Variants in LGSN observed in about 807,000 individuals in gnomAD.
The protein encoded by LGSN is lengsin.
LGSN carries 21 observed loss-of-function variants against 19.5 expected under a neutral mutation model. The observed-to-expected ratio is 1.07, with a 90% CI of 0.76 to 1.55. LGSN has a LOEUF of 1.55. Among genes scored for constraint, LGSN ranks in the 40% most tolerant of loss-of-function variants. LGSN has a pLI of 0.00. For synonymous variants in LGSN, 257 were observed against 215.6 expected, an observed-to-expected ratio of 1.19 and a Z score of -1.68; for missense variants, 673 against 608.5, an observed-to-expected ratio of 1.11 and a Z score of -1.12.
the LGSN span, among the ~76,000 whole-genome samples, chr6:63,489,143 G>A: frequency 6.6e-6 from 1 of 152,176 alleles, no homozygotes; most frequent in African/African-American, 2.4e-5. Flanking sequence ...CATTTTAGAT[G>A]TGGGAAATGG....
chr6:63,487,500 T>C, the LGSN span, among the ~76,000 whole-genome samples: 1 of 152,238 alleles, frequency 6.6e-6, no homozygotes, highest in Non-Finnish European at 1.5e-5. Context: ...CTTTCAACAC[T>C]ACTCTTTAAT....
At chr6:63,476,118 T>G in the LGSN span, among the ~76,000 whole-genome samples, 1 of 152,178 alleles carries the variant, frequency 6.6e-6, no homozygotes, top group Non-Finnish European at 1.5e-5. Flanking sequence ...TACTGATAGA[T>G]GTAATGAAGC....
the LGSN span, among the ~76,000 whole-genome samples, chr6:63,368,166 G>GT: frequency 1.2e-4 from 19 of 152,162 alleles, no homozygotes; most frequent in African/African-American, 4.6e-4. Flanking sequence ...ACTTTTCGTT[G>GT]TTTTTTCCTG....
At chr6:63,490,408 C>G in the LGSN span, among the ~76,000 whole-genome samples, 1 of 151,898 alleles carries the variant, frequency 6.6e-6, no homozygotes, top group Non-Finnish European at 1.5e-5. Flanking sequence ...ACCAATCAAG[C>G]AAAAAACACA....
At chr6:63,424,772 CA>C in the LGSN span, among the ~76,000 whole-genome samples, 1 of 151,998 alleles carries the variant, frequency 6.6e-6, no homozygotes, top group Non-Finnish European at 1.5e-5. Context: ...ATTAGTCAGG[CA>C]TGGTGCTGCG....
chr6:63,549,060 T>G, the LGSN span: 2 of 720,214 alleles, frequency 2.8e-6, no homozygotes, highest in Non-Finnish European at 2.5e-6. Context: ...CTGAGCTTTC[T>G]TATTCTCTAG....
Position 63,280,277 on chromosome 6 carries a change from G to C in LGSN, c.1274C>G (p.Ala425Gly). ...GCTATGAAGTCCATCTAAGCCGGCAGCAACAGTTGCAGCCAGCACCAAGTA... is the reference window on the plus strand; with the variant it reads ...GCTATGAAGTCCATCTAAGCCGGCACCAACAGTTGCAGCCAGCACCAAGTA... ...NPYLVLAATV[A>G]AGLDGLHSSN... The change falls in exon 4 of 4, where the codon GCT (alanine) becomes GGT (glycine). Residue 425 changes from alanine to glycine, a missense_variant. Transcript: ENST00000370657. 1 of 1,614,238 alleles carries C rather than the reference G, an allele frequency of 6.2e-7. No individual in the cohort carries two copies. The highest frequency in any genetic ancestry group is 8.5e-7 in the Non-Finnish European group (1 of 1,180,046).
At chr6:63,310,157 C>A (rs1768565700) in intron 1 of LGSN, among the ~76,000 whole-genome samples, 1 of 152,186 alleles carries the variant, frequency 6.6e-6, no homozygotes, top group African/African-American at 2.4e-5. Flanking sequence ...TTCCTAGGCT[C>A]CTGTTGATTA....
the LGSN span, among the ~76,000 whole-genome samples, chr6:63,502,276 G>C: frequency 6.6e-6 from 1 of 152,160 alleles, no homozygotes; most frequent in Non-Finnish European, 1.5e-5. Context: ...TGTCTCTTCT[G>C]AGAAAAAGCA....
the LGSN span, among the ~76,000 whole-genome samples, chr6:63,468,675 G>A: frequency 4.6e-5 from 7 of 152,050 alleles, no homozygotes; most frequent in East Asian, 9.6e-4. Flanking sequence ...TGATCTGCCC[G>A]CCTCAGCCTC....
the LGSN span, among the ~76,000 whole-genome samples, chr6:63,509,747 A>C: frequency 6.6e-6 from 1 of 152,240 alleles, no homozygotes; most frequent in African/African-American, 2.4e-5. Flanking sequence ...GGGAAATCAT[A>C]AGAGATTGTC....
chr6:63,500,145 A>G, the LGSN span, among the ~76,000 whole-genome samples: 6 of 152,118 alleles, frequency 3.9e-5, no homozygotes, highest in Admixed American at 2.0e-4. Context: ...TGTCTGCCCA[A>G]ATTTTTCTCA....
chr6:63,456,583 A>G, the LGSN span, among the ~76,000 whole-genome samples: 2 of 151,752 alleles, frequency 1.3e-5, no homozygotes, highest in Middle Eastern at 6.8e-3. Flanking sequence ...ATGTCACAGA[A>G]GAGAGTAAAC....
chr6:63,554,947 C>G, the LGSN span, among the ~76,000 whole-genome samples: 1 of 152,136 alleles, frequency 6.6e-6, no homozygotes, highest in Non-Finnish European at 1.5e-5. Context: ...TACAAAGAGA[C>G]AATTGTGTTT....
rs1562010744 is a variant in LGSN, at chr6:63,295,035, C to G, written c.41G>C (p.Arg14Thr). The change falls in exon 2 of 4, where the codon AGA becomes ACA. Residue 14 changes from arginine to threonine, a missense_variant. By Grantham distance (71) the Arg-to-Thr change is moderately conservative. Coordinates refer to ENST00000370657, the MANE Select transcript of LGSN (RefSeq NM_016571.3). ...GGCTTCAGTCTCATTGCCTTCATCTCTTGTTGAGTCCTGTTGATAATTAAT... is the reference window on the plus strand; with the variant it reads ...GGCTTCAGTCTCATTGCCTTCATCTGTTGTTGAGTCCTGTTGATAATTAAT... ...EEDLLQEDST[R>T]DEGNETEANS... 3 of 1,613,230 alleles carry G rather than the reference C, an allele frequency of 1.9e-6. No individual in the cohort carries two copies. The highest frequency in any genetic ancestry group is 1.3e-5 in the African/African-American group (1 of 74,894).
At chr6:63,434,385 A>C in the LGSN span, among the ~76,000 whole-genome samples, 2 of 149,728 alleles carry the variant, frequency 1.3e-5, no homozygotes, top group Non-Finnish European at 3.0e-5. Flanking sequence ...GGTTGCAGTG[A>C]GCCGAGATCG....
chr6:63,494,939 T>G, the LGSN span, among the ~76,000 whole-genome samples: 1 of 152,236 alleles, frequency 6.6e-6, no homozygotes, highest in Non-Finnish European at 1.5e-5. Flanking sequence ...TCAGTGTTAA[T>G]TCCTATATTT....
chr6:63,491,917 T>C, the LGSN span, among the ~76,000 whole-genome samples: 1 of 151,988 alleles, frequency 6.6e-6, no homozygotes, highest in Non-Finnish European at 1.5e-5. Flanking sequence ...TAATCCCATC[T>C]ACTCGGGAGG....
At chr6:63,375,091 G>A in the LGSN span, among the ~76,000 whole-genome samples, 3 of 152,186 alleles carry the variant, frequency 2.0e-5, no homozygotes, top group Admixed American at 6.5e-5. Context: ...TTGATTTTCC[G>A]GGGCAATAAG....
Sources: gnomAD v4.1 joint callset for allele counts (sites outside exome capture counted in the v4.1 genomes callset) on GRCh38, gnomAD v4.1.1 for gene constraint, MANE v1.5 for transcripts, NCBI Gene and HGNC (gene_info 2026-07-23, HGNC 2026-07-21) for gene names.